PDIA6: variants seen among roughly 807,000 people sequenced by gnomAD.
PDIA6 encodes protein disulfide-isomerase A6.
In PDIA6, 29 loss-of-function variants were observed where a neutral mutation model predicts 58.4. The ratio of observed to expected loss-of-function variants is 0.50; its 90% CI spans 0.37 to 0.68. The LOEUF (loss-of-function observed/expected upper bound fraction) is 0.68, where lower values mean the gene tolerates loss of function less well. Among genes scored for constraint, PDIA6 ranks in the 30% least tolerant of loss-of-function variants. The pLI, the probability that PDIA6 is intolerant of heterozygous loss-of-function variation, is 0.00. For synonymous variants in PDIA6, 192 were observed against 202.6 expected (o/e 0.95, Z 0.44); for missense variants, 480 against 551.0 (o/e 0.87, Z 1.29).
At chr2:10,816,193 C>T (rs1452176293), upstream of PDIA6, among the ~76,000 whole-genome samples, 14 of 145,066 alleles carry the variant, frequency 9.7e-5, 1 homozygote, top group Admixed American at 1.0e-3. Flanking sequence ...AGCTATTCTC[C>T]TGCCTCAGCC....
chr2:10,834,718 C>T (rs1667787494), upstream of PDIA6, among the ~76,000 whole-genome samples: 1 of 42,664 alleles, frequency 2.3e-5, no homozygotes, highest in East Asian at 5.7e-4. Flanking sequence ...TCCCTCCCTC[C>T]CTCCCTTCCT....
At chr2:10,787,516 C>T in intron 10 of PDIA6, 77 bp from the exon 11 acceptor site, 6 of 1,259,310 alleles carry the variant, frequency 4.8e-6, no homozygotes, top group Non-Finnish European at 6.6e-6. Context: ...TCTTAGAGAA[C>T]AAAAGATCAC....
rs548273151 is a variant in PDIA6 at position 10,793,265 on chromosome 2, G to C, written c.347-63C>G. The C allele has an allele frequency of 9.3e-6, 10 of 1,080,554 alleles. No homozygotes were observed. The South Asian group carries it at 1.0e-4, about 11-fold the overall frequency. The allele number at this position is 1,080,554 out of a possible 1,614,324, so 66.9% of individuals were successfully genotyped here. A position where few individuals can be genotyped will look rare whatever the true frequency, so the allele number is the denominator to read the frequency against. On this transcript the variant is annotated intron_variant, in intron 4 of 12. Coordinates refer to ENST00000272227, the MANE Select transcript of PDIA6 (RefSeq NM_005742.4). ...CTTCAGCAAGTGCCTCATCTGGCCC[G>C]GCCCAAGACTGTGTCTTTACCTCAC...
chr2:10,790,886 G>C lies in PDIA6; in HGVS notation c.585-53C>G, dbSNP rs777563756. On this transcript the variant is annotated intron_variant, in intron 6 of 12. Coordinates refer to ENST00000272227, the MANE Select transcript of PDIA6 (RefSeq NM_005742.4). ...TTTCTTTGAGACACAGTCTCTCTCT[G>C]TTGCCCAGGCTGGAGTGCAGTGGTG... 54 of 1,347,026 alleles carry C rather than the reference G, an allele frequency of 4.0e-5. No homozygotes were observed. In the Middle Eastern group the frequency reaches 1.3e-3, roughly 33 times the overall value. 83.4% of individuals were successfully genotyped at this position (1,347,026 alleles called of 1,614,324 possible).
At chr2:10,791,320 A>G (rs1666026135) in intron 6 of PDIA6, among the ~76,000 whole-genome samples, 1 of 151,032 alleles carries the variant, frequency 6.6e-6, no homozygotes. Context: ...ATTTTTTTGT[A>G]TTTTTAGTAG....
At chr2:10,803,451 C>T (rs569108233) in intron 1 of PDIA6, among the ~76,000 whole-genome samples, 2 of 152,364 alleles carry the variant, frequency 1.3e-5, no homozygotes, top group African/African-American at 4.8e-5. Flanking sequence ...GCCATGGCGC[C>T]CAGCCAATGT....
chr2:10,792,075 T>C (rs1170509344), intron 5 of PDIA6, 150 bp from the exon 6 acceptor site: 4 of 837,256 alleles, frequency 4.8e-6, no homozygotes, highest in Non-Finnish European at 7.4e-6. Context: ...TCAAATTGGG[T>C]ACATTCCTCA....
intron 1 of PDIA6, chr2:10,821,082 G>A (rs973128223): frequency 1.8e-5 from 9 of 500,422 alleles, no homozygotes; most frequent in Admixed American, 6.9e-5. Context: ...AACAGCCTTC[G>A]GAGATTTGGA....
At chr2:10,797,619 A>G in intron 3 of PDIA6, 81 bp downstream of exon 3, 1 of 955,048 alleles carries the variant, frequency 1.0e-6, no homozygotes, top group East Asian at 2.4e-5. Flanking sequence ...TTACTTAAAC[A>G]TACACAGGTG....
At chr2:10,796,938 A>C in intron 4 of PDIA6, 143 bp downstream of exon 4, 1 of 706,726 alleles carries the variant, frequency 1.4e-6, no homozygotes, top group Non-Finnish European at 2.5e-6. Context: ...CTCGGAGGGT[A>C]TAGGAATCAC....
intron 6 of PDIA6, 32 bp downstream of exon 6, chr2:10,791,763 A>G (rs1267304775): frequency 3.7e-6 from 6 of 1,600,888 alleles, no homozygotes; most frequent in Non-Finnish European, 5.1e-6. Context: ...AAACACTGTG[A>G]ATGAACAGAC....
chr2:10,808,271 A>C (rs1169477629), intron 1 of PDIA6, among the ~76,000 whole-genome samples: 2 of 152,236 alleles, frequency 1.3e-5, no homozygotes, highest in Non-Finnish European at 2.9e-5. Context: ...CCACACTAAC[A>C]AATGCTACTG....
chr2:10,790,683 A>G (rs749274029), intron 7 of PDIA6, 36 bp downstream of exon 7: 6 of 1,413,024 alleles, frequency 4.2e-6, no homozygotes, highest in Non-Finnish European at 5.0e-6. Flanking sequence ...AACACCATGT[A>G]TTTCACAATG....
intron 11 of PDIA6, among the ~76,000 whole-genome samples, chr2:10,786,369 A>G (rs138451619): frequency 5.1e-4 from 78 of 152,086 alleles, no homozygotes; most frequent in African/African-American, 1.8e-3. Flanking sequence ...ACAATGAGAG[A>G]GAGCTGGGAG....
At chr2:10,809,645 C>CAAAAAAAAAAAAAA (rs56308831) in intron 1 of PDIA6, among the ~76,000 whole-genome samples, 7 of 64,664 alleles carry the variant, frequency 1.1e-4, no homozygotes, top group African/African-American at 3.6e-4. Flanking sequence ...GACCCGGTCT[C>CAAAAAAAAAAAAAA]AAAAAAAAAA....
At chr2:10,819,187 G>A (rs139792560) in intron 2 of PDIA6, 183 of 740,864 alleles carry the variant, frequency 2.5e-4, no homozygotes, top group African/African-American at 1.9e-3. Context: ...TTATCCATCC[G>A]TCTGTTAGTG....
intron 4 of PDIA6, among the ~76,000 whole-genome samples, chr2:10,795,182 T>C (rs1455143895): frequency 6.6e-6 from 1 of 152,198 alleles, no homozygotes; most frequent in Non-Finnish European, 1.5e-5. Context: ...AAAAAACTTT[T>C]CAGCGTTTTG....
rs763740141 is a variant in PDIA6, at chr2:10,797,068, GA to G, written c.346+12del. 3.7e-6 allele frequency: 6 copies of G among 1,612,084 alleles called. No homozygotes were observed. The African/African-American group carries it at 5.3e-5, about 14-fold the overall frequency. On this transcript the variant is annotated intron_variant, in intron 4 of 12. Transcript: ENST00000272227. ...TCTACCAGGGGAATGAAGTAGCTAG[GA>G]AAAGTCCTTACCTTGGTAATCTTCT...
chr2:10,787,875 A>T (rs1336902616), intron 10 of PDIA6, among the ~76,000 whole-genome samples: 1 of 152,064 alleles, frequency 6.6e-6, no homozygotes, highest in African/African-American at 2.4e-5. Context: ...GACCAGCCTG[A>T]CCAATATGGT....
Sources: allele counts gnomAD v4.1 joint callset (sites outside exome capture counted in the v4.1 genomes callset), GRCh38; gene constraint gnomAD v4.1.1; transcripts MANE v1.5; gene names NCBI Gene and HGNC (gene_info 2026-07-23, HGNC 2026-07-21).